The following EFL1 variants were observed in gnomAD, a reference collection of about 807,000 sequenced individuals.
The protein encoded by EFL1 is elongation factor-like GTPase 1.
A neutral mutation model predicts 126.7 loss-of-function variants in EFL1; 76 were observed. The ratio of observed to expected loss-of-function variants is 0.60; its 90% CI spans 0.50 to 0.73. EFL1 has a LOEUF of 0.73. Among genes scored for constraint, EFL1 ranks in the 30% least tolerant of loss-of-function variants. EFL1 has a pLI of 0.00. For synonymous variants in EFL1, 410 were observed against 448.4 expected (o/e 0.91, Z 1.08); for missense variants, 1,128 against 1,343.2 (o/e 0.84, Z 2.50).
chr15:82,151,915 C>A lies in EFL1; in HGVS notation c.2539G>T (p.Val847Leu), dbSNP rs2073913825. The change falls in exon 18 of 20, where the codon GTA becomes TTA. Residue 847 changes from valine to leucine, a missense_variant. Coordinates refer to ENST00000268206, the MANE Select transcript of EFL1 (RefSeq NM_024580.6). Reference sequence around the variant, plus strand: ...GCTTTGTCAGCTGGACCTGTCCATACTGAGTTCTGAAAATCTTCACTTTTA... The same window carrying A: ...GCTTTGTCAGCTGGACCTGTCCATAATGAGTTCTGAAAATCTTCACTTTTA... ...VNKSEDFQNS[V>L]WTGPADKASK... is the part of the protein sequence containing the mutation. 6.2e-7 allele frequency: 1 copy of A among 1,613,996 alleles called. No individual in the cohort carries two copies. The highest frequency in any genetic ancestry group is 2.2e-5 in the East Asian group (1 of 44,870).
intron 4 of EFL1, among the ~76,000 whole-genome samples, chr15:82,249,446 T>C (rs1328457568): frequency 6.6e-6 from 1 of 152,034 alleles, no homozygotes; most frequent in East Asian, 1.9e-4. Context: ...AACAGCAATA[T>C]TTGCTCAGAT....
intron 15 of EFL1, among the ~76,000 whole-genome samples, chr15:82,182,018 C>T (rs947614395): frequency 2.0e-5 from 3 of 151,854 alleles, no homozygotes; most frequent in African/African-American, 7.3e-5. Context: ...CCAGCACTTA[C>T]GGAGGCTGAG....
intron 15 of EFL1, among the ~76,000 whole-genome samples, chr15:82,196,908 T>C (rs1311168218): frequency 2.0e-5 from 3 of 151,954 alleles, no homozygotes; most frequent in African/African-American, 7.3e-5. Flanking sequence ...GGTGGGTGCC[T>C]ATAATCCCAG....
intron 17 of EFL1, among the ~76,000 whole-genome samples, chr15:82,154,305 G>T (rs762365072): frequency 6.6e-6 from 1 of 152,188 alleles, no homozygotes; most frequent in Admixed American, 6.5e-5. Context: ...ACTACCTTGA[G>T]ATCTGGATGC....
chr15:82,215,805 G>C (rs2074639460), intron 14 of EFL1: 2 of 152,098 alleles, frequency 1.3e-5, no homozygotes, highest in African/African-American at 2.4e-5. Flanking sequence ...CCTGTGCTAG[G>C]GTAGACTCTA....
intron 15 of EFL1, among the ~76,000 whole-genome samples, chr15:82,190,250 T>A (rs1453483237): frequency 6.6e-6 from 1 of 152,220 alleles, no homozygotes; most frequent in Non-Finnish European, 1.5e-5. Flanking sequence ...TCTGTAACCA[T>A]GTTTTTAATT....
At chr15:82,256,342 C>T (rs763073334) in intron 3 of EFL1, among the ~76,000 whole-genome samples, 1 of 152,204 alleles carries the variant, frequency 6.6e-6, no homozygotes, top group Non-Finnish European at 1.5e-5. Flanking sequence ...CTATTTATTG[C>T]TCACGTATAC....
At chr15:82,187,351 C>A (rs1205730782) in intron 15 of EFL1, among the ~76,000 whole-genome samples, 1 of 152,162 alleles carries the variant, frequency 6.6e-6, no homozygotes, top group Non-Finnish European at 1.5e-5. Context: ...TTGCTCTACT[C>A]TGTAACTGCA....
At chr15:82,236,160 T>G (rs979247751) in intron 7 of EFL1, among the ~76,000 whole-genome samples, 2 of 152,090 alleles carry the variant, frequency 1.3e-5, no homozygotes, top group African/African-American at 4.8e-5. Flanking sequence ...CATAAAAGAA[T>G]TTTTAAAAAT....
At chr15:82,185,296 T>C (rs1445516098) in intron 15 of EFL1, among the ~76,000 whole-genome samples, 1 of 151,436 alleles carries the variant, frequency 6.6e-6, no homozygotes, top group East Asian at 1.9e-4. Context: ...GTATCTCTAC[T>C]CCATACCATA....
intron 15 of EFL1, among the ~76,000 whole-genome samples, chr15:82,200,872 T>C (rs1299862489): frequency 6.6e-6 from 1 of 152,006 alleles, no homozygotes; most frequent in Non-Finnish European, 1.5e-5. Context: ...ACTTTCTATC[T>C]CCCTTATGTA....
At chr15:82,171,241 T>C (rs1044001041) in intron 15 of EFL1, among the ~76,000 whole-genome samples, 14 of 152,220 alleles carry the variant, frequency 9.2e-5, no homozygotes, top group African/African-American at 3.4e-4. Context: ...TGTGAGCTAT[T>C]TCTGTTAGTC....
At chr15:82,138,430 ATGTG>A (rs10675439) in intron 19 of EFL1, among the ~76,000 whole-genome samples, 57 of 146,008 alleles carry the variant, frequency 3.9e-4, no homozygotes, top group African/African-American at 5.8e-4. Flanking sequence ...GAGAGAGTGT[ATGTG>A]TGTGTGTGTG....
rs763927623 is a variant in EFL1, at chr15:82,241,346, G to A, written c.302C>T (p.Ser101Leu). The A allele has an allele frequency of 7.4e-6, 12 of 1,613,878 alleles. No homozygotes were observed. In the East Asian group the frequency reaches 8.9e-5, roughly 12 times the overall value. The change falls in exon 5 of 20, where the codon TCA becomes TTA. Residue 101 changes from serine (S) to leucine (L), a missense_variant. By Grantham distance (145) the Ser-to-Leu change is moderately radical. This residue lies in a region of EFL1 where 118 missense variants were observed against 188.1 expected (regional missense o/e 0.63). Coordinates refer to ENST00000268206, the MANE Select transcript of EFL1 (RefSeq NM_024580.6). ...IDSPGHVDFS[S>L]EVSTAVRICD... ...AATGCGAACAGCGGTTGATACTTCT[G>A]AGGAAAAGTCCACGTGTCCTGGAGA...
Position 82,261,805 on chromosome 15 carries a change from T to C in EFL1, c.-19-8A>G, listed in dbSNP as rs768366244. ...ATTACTTATTTCCTGTGACTAAAAA[T>C]TAAATATGTATTACAAATGGCCCAG... On this transcript the variant is annotated splice_region_variant and splice_polypyrimidine_tract_variant and intron_variant, in intron 1 of 19. Transcript: ENST00000268206. 6.2e-7 allele frequency: 1 copy of C among 1,603,812 alleles called. No homozygotes were observed. Among genetic ancestry groups the C allele is most frequent in the Non-Finnish European group, 8.5e-7 (1 of 1,173,284 alleles).
At chr15:82,249,905 T>C (rs776741706) in intron 4 of EFL1, among the ~76,000 whole-genome samples, 31 of 152,134 alleles carry the variant, frequency 2.0e-4, no homozygotes, top group Non-Finnish European at 4.0e-4. Context: ...AATAAGACCC[T>C]ATATTTCAAC....
chr15:82,261,909 G>C, intron 1 of EFL1, 112 bp from the exon 2 acceptor site: 1 of 704,374 alleles, frequency 1.4e-6, no homozygotes, highest in Non-Finnish European at 2.3e-6. Flanking sequence ...CTTAAACCAA[G>C]AACCCAGTGA....
At chr15:82,158,574 G>C (rs974784009) in intron 16 of EFL1, among the ~76,000 whole-genome samples, 1 of 152,062 alleles carries the variant, frequency 6.6e-6, no homozygotes, top group South Asian at 2.1e-4. Flanking sequence ...CAGAAACCTT[G>C]GTCTTAAAGA....
intron 4 of EFL1, among the ~76,000 whole-genome samples, chr15:82,245,514 CTAATACGACT>C (rs2074964213): frequency 6.6e-6 from 1 of 152,198 alleles, no homozygotes; most frequent in African/African-American, 2.4e-5. Context: ...TATAAATCAA[CTAATACGACT>C]TATTATTTGA....
Sources: gnomAD v4.1 joint callset for allele counts (sites outside exome capture counted in the v4.1 genomes callset) on GRCh38, gnomAD v4.1.1 for gene constraint, gnomAD v4.1.1 regional missense constraint, MANE v1.5 for transcripts, NCBI Gene and HGNC (gene_info 2026-07-23, HGNC 2026-07-21) for gene names.